INPP4B: variants seen among roughly 807,000 people sequenced by gnomAD.
INPP4B encodes inositol polyphosphate 4-phosphatase type II.
INPP4B carries 55 observed loss-of-function variants against 122.5 expected under a neutral mutation model. The ratio of observed to expected loss-of-function variants is 0.45; its 90% confidence interval spans 0.36 to 0.56. The LOEUF is 0.56. INPP4B is among the 20% of genes least tolerant of loss of function. The probability of loss-of-function intolerance (pLI) is 0.00; values close to 1 mark genes in which losing one functional copy is unlikely to be tolerated. For synonymous variants in INPP4B, 403 were observed against 388.7 expected, an observed-to-expected ratio of 1.04 and a Z score of -0.43; for missense variants, 1,000 against 1,097.7, an observed-to-expected ratio of 0.91 and a Z score of 1.26.
chr4:142,278,745 G>C (rs933219913), intron 9 of INPP4B, among the ~76,000 whole-genome samples: 2 of 151,936 alleles, frequency 1.3e-5, no homozygotes, highest in Non-Finnish European at 2.9e-5. Context: ...GGAGATTGTG[G>C]AGAGGGGGAA....
intron 2 of INPP4B, among the ~76,000 whole-genome samples, chr4:142,559,636 CA>C (rs1439361520): frequency 6.6e-6 from 1 of 152,066 alleles, no homozygotes; most frequent in African/African-American, 2.4e-5. Flanking sequence ...TTTAGAGTGT[CA>C]CCCACACTTC....
intron 7 of INPP4B, among the ~76,000 whole-genome samples, chr4:142,322,942 T>G (rs1030097053): frequency 6.6e-6 from 1 of 152,162 alleles, no homozygotes; most frequent in Non-Finnish European, 1.5e-5. Context: ...AAAGTTAGAG[T>G]AAAGAACTAT....
chr4:142,830,552 G>A (rs899469836), intron 1 of INPP4B, among the ~76,000 whole-genome samples: 1 of 152,076 alleles, frequency 6.6e-6, no homozygotes, highest in Admixed American at 6.6e-5. Flanking sequence ...TGGAAATCTT[G>A]AGTGTGTTCC....
intron 15 of INPP4B, among the ~76,000 whole-genome samples, chr4:142,175,122 C>T (rs1827499582): frequency 6.6e-6 from 1 of 152,126 alleles, no homozygotes; most frequent in Non-Finnish European, 1.5e-5. Flanking sequence ...AACTTGCTTA[C>T]ATCCCATTAT....
intron 17 of INPP4B, among the ~76,000 whole-genome samples, chr4:142,148,407 T>G (rs1391469930): frequency 1.3e-5 from 2 of 151,960 alleles, no homozygotes; most frequent in African/African-American, 2.4e-5. Flanking sequence ...AGAGATGGGG[T>G]TTTACTATGT....
chr4:142,490,074 T>C (rs1017046366), intron 2 of INPP4B, among the ~76,000 whole-genome samples: 12 of 152,012 alleles, frequency 7.9e-5, no homozygotes, highest in Admixed American at 2.0e-4. Context: ...ATTATAATTA[T>C]TTTCTTTCCT....
At chr4:142,816,676 A>C (rs531596003) in intron 1 of INPP4B, among the ~76,000 whole-genome samples, 4 of 151,844 alleles carry the variant, frequency 2.6e-5, no homozygotes, top group Admixed American at 2.6e-4. Flanking sequence ...ATATATATAC[A>C]TATATATATA....
intron 2 of INPP4B, among the ~76,000 whole-genome samples, chr4:142,608,891 C>T (rs370355419): frequency 6.6e-6 from 1 of 152,158 alleles, no homozygotes; most frequent in Non-Finnish European, 1.5e-5. Context: ...TCCTCAGTGT[C>T]TGTTCCCCAA....
chr4:142,789,196 T>C (rs1445065767), intron 1 of INPP4B, among the ~76,000 whole-genome samples: 1 of 152,024 alleles, frequency 6.6e-6, no homozygotes, highest in Non-Finnish European at 1.5e-5. Context: ...GCCACTCTCA[T>C]CACTCCTCTT....
intron 2 of INPP4B, among the ~76,000 whole-genome samples, chr4:142,657,275 C>T (rs1754335918): frequency 2.0e-5 from 3 of 152,158 alleles, no homozygotes; most frequent in Admixed American, 2.0e-4. Flanking sequence ...ATAAACAGCC[C>T]TAAAGACCAC....
chr4:142,340,412 C>CCCTT (rs1554039283), intron 7 of INPP4B, among the ~76,000 whole-genome samples: 1 of 151,528 alleles, frequency 6.6e-6, no homozygotes, highest in Admixed American at 6.6e-5. Context: ...TTTTTTTTCT[C>CCCTT]TTTAAAATTT....
intron 2 of INPP4B, among the ~76,000 whole-genome samples, chr4:142,601,372 T>A (rs1739868881): frequency 6.6e-6 from 1 of 151,940 alleles, no homozygotes; most frequent in African/African-American, 2.4e-5. Flanking sequence ...AACAGTATGG[T>A]ATAAAATTAA....
At chr4:142,254,144 C>T (rs559936382) in intron 11 of INPP4B, among the ~76,000 whole-genome samples, 5 of 152,234 alleles carry the variant, frequency 3.3e-5, no homozygotes, top group African/African-American at 1.2e-4. Flanking sequence ...GCTGAGGGTC[C>T]TGTCTGTTAG....
At position 142,659,784 on chromosome 4, in the gene INPP4B, G is replaced by A. The variant is rs142666072; in HGVS notation, c.-191+66055C>T. Among the ~76,000 whole-genome samples the A allele has an allele frequency of 2.6e-3, 399 of 152,252 alleles. 1 individual carries two copies. Among genetic ancestry groups the A allele is most frequent in the African/African-American group, 9.1e-3 (379 of 41,558 alleles). Reference sequence around the variant, plus strand: ...AACTATAGCAAACACTCATCTGGGTGTCTCACAAGACATCCTTTCCTCTCC... The same window carrying A: ...AACTATAGCAAACACTCATCTGGGTATCTCACAAGACATCCTTTCCTCTCC... On this transcript the variant is annotated intron_variant, in intron 2 of 25. Coordinates refer to ENST00000262992, the MANE Select transcript of INPP4B (RefSeq NM_001101669.3).
chr4:142,180,803 T>A (rs972911657), intron 15 of INPP4B, among the ~76,000 whole-genome samples: 1 of 152,178 alleles, frequency 6.6e-6, no homozygotes, highest in African/African-American at 2.4e-5. Flanking sequence ...TTTAATTGAA[T>A]AAGTATTGCT....
At chr4:142,277,230 A>G (rs990406821) in intron 9 of INPP4B, among the ~76,000 whole-genome samples, 1 of 148,794 alleles carries the variant, frequency 6.7e-6, no homozygotes, top group Non-Finnish European at 1.5e-5. Flanking sequence ...GATTTTGGAT[A>G]TTAGTCCTTT....
intron 18 of INPP4B, among the ~76,000 whole-genome samples, chr4:142,131,707 G>C (rs1801345166): frequency 4.6e-5 from 7 of 152,216 alleles, no homozygotes; most frequent in Admixed American, 4.6e-4. Flanking sequence ...TGTAATCCCA[G>C]CACTTTGGGA....
At chr4:142,311,613 G>C (rs1765540097) in intron 8 of INPP4B, among the ~76,000 whole-genome samples, 1 of 152,126 alleles carries the variant, frequency 6.6e-6, no homozygotes, top group African/African-American at 2.4e-5. Context: ...GGAGTGTGGA[G>C]ACATGACTGA....
At chr4:142,399,220 C>G (rs1347519441) in intron 7 of INPP4B, among the ~76,000 whole-genome samples, 79 of 71,420 alleles carry the variant, frequency 1.1e-3, no homozygotes, top group Non-Finnish European at 4.7e-4. Context: ...TTTTTTGAGT[C>G]GGAGTCTCGC....
Sources: gnomAD v4.1 joint callset for allele counts (sites outside exome capture counted in the v4.1 genomes callset) on GRCh38, gnomAD v4.1.1 for gene constraint, MANE v1.5 for transcripts, NCBI Gene and HGNC (gene_info 2026-07-23, HGNC 2026-07-21) for gene names.